MTREX: variants seen among roughly 807,000 people sequenced by gnomAD.
MTREX encodes exosome RNA helicase MTR4.
Under a neutral mutation model 135.4 loss-of-function variants are expected in MTREX, and 76 were observed. That is an observed-to-expected ratio of 0.56 (90% CI 0.47 to 0.68). The LOEUF is 0.68. MTREX is among the 30% of genes least tolerant of loss of function. The pLI is 0.00. For synonymous variants in MTREX, 404 were observed against 401.6 expected (o/e 1.01, Z -0.07); for missense variants, 920 against 1,262.1 (o/e 0.73, Z 4.11).
chr5:55,358,774 TGTCA>T, intron 15 of MTREX, 76 bp downstream of exon 15: 1 of 1,291,476 alleles, frequency 7.7e-7, no homozygotes, highest in Non-Finnish European at 1.1e-6. Flanking sequence ...GAATTGGTTG[TGTCA>T]GTCAGACACC....
At chr5:55,375,180 CG>C (rs1393207688) in intron 16 of MTREX, among the ~76,000 whole-genome samples, 2 of 152,202 alleles carry the variant, frequency 1.3e-5, no homozygotes, top group African/African-American at 4.8e-5. Flanking sequence ...AATGAAGTTT[CG>C]GGCACCACTG....
At chr5:55,310,607 C>CAA (rs903057558) in intron 1 of MTREX, among the ~76,000 whole-genome samples, 2 of 138,670 alleles carry the variant, frequency 1.4e-5, no homozygotes, top group African/African-American at 5.3e-5. Context: ...GACTCCATCT[C>CAA]AAAAAAAAAA....
intron 19 of MTREX, among the ~76,000 whole-genome samples, chr5:55,391,564 A>G (rs1750568272): frequency 6.6e-6 from 1 of 152,230 alleles, no homozygotes; most frequent in Admixed American, 6.5e-5. Context: ...AAAAACTCAG[A>G]CATACACCAA....
chr5:55,338,792 T>TTTTC (rs1749596024), intron 5 of MTREX, among the ~76,000 whole-genome samples: 1 of 138,888 alleles, frequency 7.2e-6, no homozygotes, highest in Non-Finnish European at 1.6e-5. Flanking sequence ...TTTTCTTTTT[T>TTTTC]TTTTTTTTTT....
At chr5:55,348,388 G>A (rs1749773334) in intron 11 of MTREX, among the ~76,000 whole-genome samples, 1 of 152,080 alleles carries the variant, frequency 6.6e-6, no homozygotes, top group African/African-American at 2.4e-5. Context: ...GTGGATTAAG[G>A]GGTCAGCACA....
chr5:55,350,243 G>A (rs989241359), intron 12 of MTREX, among the ~76,000 whole-genome samples: 1 of 152,172 alleles, frequency 6.6e-6, no homozygotes, highest in East Asian at 1.9e-4. Flanking sequence ...TTGTTGAGTG[G>A]AAAGAAACAT....
At chr5:55,363,002 T>C (rs1244884488) in intron 15 of MTREX, among the ~76,000 whole-genome samples, 1 of 152,212 alleles carries the variant, frequency 6.6e-6, no homozygotes, top group Non-Finnish European at 1.5e-5. Context: ...TACTAGTTAC[T>C]TAGAGTACAT....
intron 15 of MTREX, 144 bp downstream of exon 15, chr5:55,358,842 G>T: frequency 1.6e-6 from 1 of 615,696 alleles, no homozygotes. Flanking sequence ...AGATGGAAGG[G>T]TGTGATTACT....
At chr5:55,346,216 C>CT (rs769202628) in intron 10 of MTREX, among the ~76,000 whole-genome samples, 3 of 152,122 alleles carry the variant, frequency 2.0e-5, no homozygotes, top group Non-Finnish European at 4.4e-5. Context: ...TGTGGAAAGT[C>CT]TATGTTTCAC....
intron 5 of MTREX, among the ~76,000 whole-genome samples, chr5:55,338,605 T>TA (rs1352590194): frequency 6.6e-6 from 1 of 151,558 alleles, no homozygotes; most frequent in East Asian, 1.9e-4. Flanking sequence ...TCCTTTGAGA[T>TA]ACTTGAGGAT....
chr5:55,315,198 T>G (rs1749179363), intron 1 of MTREX, among the ~76,000 whole-genome samples: 1 of 152,236 alleles, frequency 6.6e-6, no homozygotes, highest in Non-Finnish European at 1.5e-5. Flanking sequence ...TCGTGTTAAT[T>G]TATATTTCTT....
At position 55,424,703 on chromosome 5, in the gene MTREX, A is replaced by C. The variant is rs565155707; in HGVS notation, c.3077-17A>C. 1.9e-6 allele frequency: 3 copies of C among 1,599,598 alleles called. No individual in the cohort carries two copies. The highest frequency in any genetic ancestry group is 2.2e-5 in the East Asian group (1 of 44,766). ...TTGTGGTCTTGAAAGTTTAAACCTTACTTTCTTTTCTCTTAGGAATCACCA... is the reference window on the plus strand; with the variant it reads ...TTGTGGTCTTGAAAGTTTAAACCTTCCTTTCTTTTCTCTTAGGAATCACCA... On this transcript the variant is annotated splice_polypyrimidine_tract_variant and intron_variant, in intron 26 of 26. Transcript: ENST00000230640.
At chr5:55,399,439 C>A (rs1750689717) in intron 20 of MTREX, among the ~76,000 whole-genome samples, 1 of 152,190 alleles carries the variant, frequency 6.6e-6, no homozygotes, top group African/African-American at 2.4e-5. Flanking sequence ...TGCATTTAAC[C>A]ATTAATCATG....
At chr5:55,345,701 C>G (rs1211901252) in intron 10 of MTREX, among the ~76,000 whole-genome samples, 1 of 142,920 alleles carries the variant, frequency 7.0e-6, no homozygotes, top group African/African-American at 2.6e-5. Flanking sequence ...GTGTCTCGCT[C>G]TGTCACCCAG....
rs1212454617 is a variant in MTREX, at chr5:55,322,381, G to A, written c.189G>A (p.Lys63=). 5 of 1,607,490 alleles carry A rather than the reference G, an allele frequency of 3.1e-6. No homozygotes were observed. The highest frequency in any genetic ancestry group is 1.1e-5 in the South Asian group (1 of 90,502). ...AATCAACTAATAATGGAAAAAATAAGAGAGATGTAGATTTCGAAGGTACAG... is the reference window on the plus strand; with the variant it reads ...AATCAACTAATAATGGAAAAAATAAAAGAGATGTAGATTTCGAAGGTACAG... The part of the protein sequence containing the change: ...QSESTNNGKN[K]RDVDFEGTDE... The change falls in exon 2 of 27, where the codon AAG becomes AAA. Residue 63 remains lysine (K), a synonymous_variant. Transcript: ENST00000230640.
intron 16 of MTREX, among the ~76,000 whole-genome samples, chr5:55,373,435 G>T (rs910219572): frequency 3.3e-5 from 5 of 152,082 alleles, no homozygotes; most frequent in Non-Finnish European, 7.4e-5. Flanking sequence ...AGCTAAATAT[G>T]AAGAGACTTA....
At chr5:55,337,692 T>G (rs1749575505) in intron 5 of MTREX, among the ~76,000 whole-genome samples, 1 of 150,272 alleles carries the variant, frequency 6.7e-6, no homozygotes, top group Non-Finnish European at 1.5e-5. Context: ...GAGAAGATAC[T>G]TCGTGAAATT....
chr5:55,377,515 A>G, intron 16 of MTREX, among the ~76,000 whole-genome samples: 1 of 152,220 alleles, frequency 6.6e-6, no homozygotes, highest in Admixed American at 6.5e-5. Flanking sequence ...AGGCAAGATC[A>G]AATAAAAGCC....
At chr5:55,415,925 A>G in intron 24 of MTREX, 45 bp from the exon 25 acceptor site, 10 of 1,359,854 alleles carry the variant, frequency 7.4e-6, no homozygotes, top group South Asian at 2.8e-5. Context: ...ATAAAGTGAT[A>G]TGGGAGATCA....
Sources: allele counts gnomAD v4.1 joint callset (sites outside exome capture counted in the v4.1 genomes callset), GRCh38; gene constraint gnomAD v4.1.1; transcripts MANE v1.5; gene names NCBI Gene and HGNC (gene_info 2026-07-23, HGNC 2026-07-21).